Variants in GPC5 observed in about 807,000 individuals in gnomAD.
The protein encoded by GPC5 is glypican-5.
GPC5 carries 47 observed loss-of-function variants against 53.9 expected under a neutral mutation model. That is an observed-to-expected ratio of 0.87 (90% CI 0.69 to 1.11). The LOEUF (loss-of-function observed/expected upper bound fraction) is 1.11, where lower values mean the gene tolerates loss of function less well. GPC5 is among the 50% of genes most tolerant of loss of function. The pLI is 0.00. For missense variants in GPC5, 748 were observed against 713.1 expected, an observed-to-expected ratio of 1.05 and a Z score of -0.56; for synonymous variants, 286 against 263.3, an observed-to-expected ratio of 1.09 and a Z score of -0.84.
intron 2 of GPC5, among the ~76,000 whole-genome samples, chr13:91,537,952 A>G (rs1886664783): frequency 6.6e-6 from 1 of 152,258 alleles, no homozygotes; most frequent in Non-Finnish European, 1.5e-5. Context: ...ATTATTTACA[A>G]TAGCCCCAAG....
chr13:91,476,327 C>A (rs1882926664), intron 2 of GPC5, among the ~76,000 whole-genome samples: 1 of 152,164 alleles, frequency 6.6e-6, no homozygotes, highest in Non-Finnish European at 1.5e-5. Context: ...AGGAGGGAAT[C>A]ACTTCATTTT....
intron 7 of GPC5, among the ~76,000 whole-genome samples, chr13:92,231,584 A>G (rs2042530409): frequency 6.6e-6 from 1 of 152,064 alleles, no homozygotes; most frequent in South Asian, 2.1e-4. Context: ...CATTTTAACT[A>G]CCTGTTGAAA....
At chr13:91,556,100 G>A (rs1023396644) in intron 2 of GPC5, among the ~76,000 whole-genome samples, 1 of 151,654 alleles carries the variant, frequency 6.6e-6, no homozygotes, top group Non-Finnish European at 1.5e-5. Flanking sequence ...CTGACCCCTG[G>A]CAACCACTAC....
intron 1 of GPC5, among the ~76,000 whole-genome samples, chr13:91,445,862 A>G (rs765836431): frequency 7.2e-5 from 11 of 152,072 alleles, no homozygotes; most frequent in Non-Finnish European, 1.5e-4. Context: ...AGAAAGTGGA[A>G]CCATGGTTAA....
intron 7 of GPC5, among the ~76,000 whole-genome samples, chr13:92,559,673 G>A (rs909040457): frequency 1.3e-5 from 2 of 151,528 alleles, no homozygotes; most frequent in Admixed American, 6.6e-5. Flanking sequence ...TAGCTAGTCC[G>A]AAACTGGCCA....
At chr13:92,126,231 G>T (rs369407012) in intron 6 of GPC5, among the ~76,000 whole-genome samples, 1 of 151,990 alleles carries the variant, frequency 6.6e-6, no homozygotes, top group African/African-American at 2.4e-5. Context: ...GGGATTACAG[G>T]CATGAGCCAC....
At chr13:92,181,538 T>C (rs2042147202) in intron 7 of GPC5, among the ~76,000 whole-genome samples, 1 of 152,244 alleles carries the variant, frequency 6.6e-6, no homozygotes, top group Admixed American at 6.5e-5. Flanking sequence ...GCTGGGGTGA[T>C]ATTGTTAAGT....
At chr13:91,744,682 T>A (rs1255205042) in intron 4 of GPC5, among the ~76,000 whole-genome samples, 1 of 152,180 alleles carries the variant, frequency 6.6e-6, no homozygotes, top group Non-Finnish European at 1.5e-5. Flanking sequence ...ATTAAAGTTC[T>A]GCTAATGCTG....
chr13:92,542,882 C>T (rs1030486506), intron 7 of GPC5, among the ~76,000 whole-genome samples: 1 of 151,936 alleles, frequency 6.6e-6, no homozygotes, highest in Non-Finnish European at 1.5e-5. Flanking sequence ...TTATATGTGA[C>T]TTGATGTTTT....
chr13:92,078,859 T>C (rs1355235032), intron 6 of GPC5, among the ~76,000 whole-genome samples: 1 of 152,090 alleles, frequency 6.6e-6, no homozygotes, highest in Non-Finnish European at 1.5e-5. Flanking sequence ...GATAACACTA[T>C]TCATAATTTA....
chr13:91,432,203 C>G (rs1879506386), intron 1 of GPC5, among the ~76,000 whole-genome samples: 6 of 136,354 alleles, frequency 4.4e-5, no homozygotes, highest in African/African-American at 8.3e-5. Context: ...GCTGCTGCTG[C>G]TGTGTGTGTG....
intron 7 of GPC5, among the ~76,000 whole-genome samples, chr13:92,329,961 A>G (rs965375582): frequency 6.6e-6 from 1 of 152,142 alleles, no homozygotes; most frequent in African/African-American, 2.4e-5. Flanking sequence ...TTTTCCTTCT[A>G]TGAAAGAAAA....
intron 7 of GPC5, among the ~76,000 whole-genome samples, chr13:92,263,157 A>T (rs994221825): frequency 6.6e-6 from 1 of 152,106 alleles, no homozygotes; most frequent in Non-Finnish European, 1.5e-5. Flanking sequence ...TAATAATGTT[A>T]TTATATTTGT....
intron 6 of GPC5, among the ~76,000 whole-genome samples, chr13:92,115,712 T>C (rs2041595290): frequency 6.6e-6 from 1 of 152,156 alleles, no homozygotes; most frequent in South Asian, 2.1e-4. Flanking sequence ...GTTGTGTGTA[T>C]CAGTTGTTAC....
At position 91,886,211 on chromosome 13, in the gene GPC5, G is replaced by A. The variant is rs866195508; in HGVS notation, c.1281-21726G>A. On this transcript the variant is annotated intron_variant, in intron 5 of 7. Transcript: ENST00000377067. ...AAATGTCTTACATGGTGGCGGGCAA[G>A]AGAGACAGCATGTGCAGGGGAACTC... 4.6e-5 allele frequency among the ~76,000 whole-genome samples: 7 copies of A among 152,176 alleles called. No homozygotes were observed. In the South Asian group the frequency reaches 6.2e-4, roughly 13 times the overall value.
intron 6 of GPC5, among the ~76,000 whole-genome samples, chr13:91,966,229 A>G (rs1212018150): frequency 5.9e-5 from 9 of 152,194 alleles, no homozygotes; most frequent in Non-Finnish European, 7.4e-5. Flanking sequence ...TTAATACAGA[A>G]CAACTTACTT....
intron 7 of GPC5, among the ~76,000 whole-genome samples, chr13:92,763,651 C>T (rs1339525315): frequency 6.6e-6 from 1 of 152,116 alleles, no homozygotes; most frequent in African/African-American, 2.4e-5. Flanking sequence ...ACTTTGCCAC[C>T]TGGGTCTTGT....
chr13:92,247,858 A>G (rs2042664119), intron 7 of GPC5, among the ~76,000 whole-genome samples: 2 of 152,288 alleles, frequency 1.3e-5, no homozygotes, highest in South Asian at 4.1e-4. Flanking sequence ...TGGAAGCAGC[A>G]TTGATCCATA....
At chr13:92,772,633 A>C (rs1421192819) in intron 7 of GPC5, among the ~76,000 whole-genome samples, 1 of 152,074 alleles carries the variant, frequency 6.6e-6, no homozygotes, top group East Asian at 1.9e-4. Context: ...CCTGTCATAG[A>C]GTAGTTTGCT....
Sources: gnomAD v4.1 joint callset for allele counts (sites outside exome capture counted in the v4.1 genomes callset) on GRCh38, gnomAD v4.1.1 for gene constraint, MANE v1.5 for transcripts, NCBI Gene and HGNC (gene_info 2026-07-23, HGNC 2026-07-21) for gene names.